ZSWIM3: variants seen among roughly 807,000 people sequenced by gnomAD.
The protein encoded by ZSWIM3 is zinc finger SWIM domain-containing protein 3.
In ZSWIM3, 27 loss-of-function variants were observed where a neutral mutation model predicts 47.5. The ratio of observed to expected loss-of-function variants is 0.57; its 90% CI spans 0.42 to 0.78. The LOEUF is 0.78. ZSWIM3 is among the 30% of genes least tolerant of loss of function. The probability of loss-of-function intolerance (pLI) is 0.00; values close to 1 mark genes in which losing one functional copy is unlikely to be tolerated. For synonymous variants in ZSWIM3, 333 were observed against 333.9 expected (o/e 1.00, Z 0.03); for missense variants, 689 against 861.3 (o/e 0.80, Z 2.50).
chr20:45,868,305 T>C (rs964227258), intron 1 of ZSWIM3, among the ~76,000 whole-genome samples: 10 of 152,190 alleles, frequency 6.6e-5, no homozygotes, highest in Admixed American at 2.6e-4. Flanking sequence ...AGTAGAGGAT[T>C]TGCCTAGGAA....
chr20:45,878,688 C>G lies in ZSWIM3; in HGVS notation c.*39C>G, dbSNP rs149462189. 866 of 1,565,014 alleles carry G rather than the reference C, an allele frequency of 5.5e-4. 6 individuals carry two copies. Among genetic ancestry groups the G allele is most frequent in the Non-Finnish European group, 1.0e-4 (117 of 1,153,410 alleles). On this transcript the variant is annotated 3_prime_UTR_variant, in exon 2 of 2. Transcript: ENST00000255152. ...AAGCATTGGACCACAAACACTTCTC[C>G]TTGGAAGTGTGAGAGTTTAAAGTGG...
At chr20:45,868,566 A>G (rs867788061) in intron 1 of ZSWIM3, among the ~76,000 whole-genome samples, 8 of 151,976 alleles carry the variant, frequency 5.3e-5, no homozygotes, top group Admixed American at 2.6e-4. Flanking sequence ...TATTTTTAGT[A>G]GAGACAGGGT....
intron 1 of ZSWIM3, among the ~76,000 whole-genome samples, chr20:45,869,971 G>C (rs978626647): frequency 1.3e-5 from 2 of 150,410 alleles, no homozygotes; most frequent in African/African-American, 4.9e-5. Context: ...TGGAACCCAG[G>C]AGGCGGAGGT....
At chr20:45,865,374 G>A (rs1985813015) in intron 1 of ZSWIM3, among the ~76,000 whole-genome samples, 1 of 151,636 alleles carries the variant, frequency 6.6e-6, no homozygotes, top group Admixed American at 6.6e-5. Flanking sequence ...TGTAGTCCCA[G>A]CTACTCAGAA....
chr20:45,870,752 G>T (rs558633869), intron 1 of ZSWIM3, among the ~76,000 whole-genome samples: 1 of 151,914 alleles, frequency 6.6e-6, no homozygotes, highest in African/African-American at 2.4e-5. Flanking sequence ...GGAGTGCAGT[G>T]GCGTGATCTT....
chr20:45,874,231 G>A (rs971612314), intron 1 of ZSWIM3, among the ~76,000 whole-genome samples: 1 of 152,194 alleles, frequency 6.6e-6, no homozygotes, highest in Non-Finnish European at 1.5e-5. Context: ...AAAGAAAGAG[G>A]CCGAGGGCGG....
intron 1 of ZSWIM3, chr20:45,872,760 G>A (rs1171251840): frequency 3.1e-6 from 4 of 1,289,366 alleles, no homozygotes; most frequent in Non-Finnish European, 4.0e-6. Context: ...TGTACTACTG[G>A]ACTGCTCCAG....
chr20:45,868,859 G>A (rs1487808780), intron 1 of ZSWIM3, among the ~76,000 whole-genome samples: 1 of 152,076 alleles, frequency 6.6e-6, no homozygotes, highest in Non-Finnish European at 1.5e-5. Flanking sequence ...CTGGAGTGAA[G>A]TGGCGCAATC....
At chr20:45,862,301 C>T (rs1189398874) in intron 1 of ZSWIM3, among the ~76,000 whole-genome samples, 5 of 151,030 alleles carry the variant, frequency 3.3e-5, no homozygotes, top group Admixed American at 3.3e-4. Flanking sequence ...GCACGCACCA[C>T]CCCACCCAGC....
In ZSWIM3 at chr20:45,877,078, A is replaced by G. The variant is rs776493065; in HGVS notation, c.520A>G (p.Ile174Val). ...CATCACTCCTTCTGACCTGGCCAAGATAGCAAAAGTGATGAAGAACTTTCT... is the reference window on the plus strand; with the variant it reads ...CATCACTCCTTCTGACCTGGCCAAGGTAGCAAAAGTGATGAAGAACTTTCT... ...EGITPSDLAKIAKVMKNFLKV... is the reference protein window; with the variant it reads ...EGITPSDLAKVAKVMKNFLKV... Residue 174 changes from isoleucine (I) to valine (V), a missense_variant, in exon 2 of 2, where the codon ATA becomes GTA. Physicochemically the swap from Ile to Val is conservative, Grantham distance 29. Coordinates refer to ENST00000255152, the MANE Select transcript of ZSWIM3 (RefSeq NM_080752.4). The G allele has an allele frequency of 5.6e-6, 9 of 1,614,198 alleles. No individual in the cohort carries two copies. In the South Asian group the frequency reaches 8.8e-5, roughly 16 times the overall value.
chr20:45,871,442 T>G (rs997738300), intron 1 of ZSWIM3, among the ~76,000 whole-genome samples: 1 of 152,224 alleles, frequency 6.6e-6, no homozygotes, highest in Non-Finnish European at 1.5e-5. Context: ...AAAAAGTTCT[T>G]CCTATGACAT....
intron 1 of ZSWIM3, among the ~76,000 whole-genome samples, chr20:45,860,569 G>C (rs190825272): frequency 2.2e-3 from 325 of 150,650 alleles, no homozygotes; most frequent in African/African-American, 7.8e-3. Flanking sequence ...ACCTCCTAGA[G>C]GCTGCCCAAC....
Position 45,877,583 on chromosome 20 carries a change from C to T in ZSWIM3, c.1025C>T (p.Thr342Ile), listed in dbSNP as rs1424632228. The T allele has an allele frequency of 1.9e-6, 3 of 1,614,086 alleles. No individual in the cohort carries two copies. Among genetic ancestry groups the T allele is most frequent in the Non-Finnish European group, 2.5e-6 (3 of 1,180,036 alleles). Residue 342 changes from threonine to isoleucine, a missense_variant, in exon 2 of 2, where the codon ACT becomes ATT. Transcript: ENST00000255152. ...GCCCTGCGGGAGGCCGTGTTTGTCA[C>T]TTCTGAAGCCAGCCTGAAAAATCTC... The part of the protein sequence containing the change: ...KEALREAVFV[T>I]SEASLKNLCQ...
intron 1 of ZSWIM3, among the ~76,000 whole-genome samples, chr20:45,862,211 G>A (rs373717691): frequency 2.4e-4 from 35 of 146,794 alleles, no homozygotes; most frequent in South Asian, 1.1e-3. Flanking sequence ...GCAGTGGCGC[G>A]ATCTTGGCTC....
chr20:45,864,643 A>C (rs1310199359), intron 1 of ZSWIM3, among the ~76,000 whole-genome samples: 2 of 152,158 alleles, frequency 1.3e-5, no homozygotes, highest in Non-Finnish European at 2.9e-5. Context: ...CGGGCGGATC[A>C]CTTAAAGTCG....
Position 45,876,705 on chromosome 20 carries a change from C to G in ZSWIM3, c.156-9C>G. On this transcript the variant is annotated splice_polypyrimidine_tract_variant and intron_variant, in intron 1 of 1. Coordinates refer to ENST00000255152, the MANE Select transcript of ZSWIM3 (RefSeq NM_080752.4). ...GCACCTTTCTCATTGTTACCTCTAC[C>G]TTCCCTAGGTATGTGCAGGTGAAAT... is the stretch of plus-strand genomic sequence containing the variant. 1 of 1,604,354 alleles carries G rather than the reference C, an allele frequency of 6.2e-7. No individual in the cohort carries two copies.
At chr20:45,861,403 A>G (rs1985704529) in intron 1 of ZSWIM3, among the ~76,000 whole-genome samples, 1 of 150,464 alleles carries the variant, frequency 6.6e-6, no homozygotes, top group Admixed American at 6.8e-5. Context: ...AGCCTGGGCA[A>G]CAACAGAGTA....
At position 45,876,004 on chromosome 20, in the gene ZSWIM3, C is replaced by T. The variant is rs950393622; in HGVS notation, c.156-710C>T. On this transcript the variant is annotated intron_variant, in intron 1 of 1. Transcript: ENST00000255152. ...GGAACCACTACACTTGGCCCTACTA[C>T]GGGTTTTTCCTGTTTGTTTGTTTTT... is the stretch of plus-strand genomic sequence containing the variant. 7.4e-5 allele frequency among the ~76,000 whole-genome samples: 11 copies of T among 148,292 alleles called. No individual in the cohort carries two copies. The East Asian group carries it at 1.8e-3, about 24-fold the overall frequency.
rs567026447 is a variant in ZSWIM3 at position 45,869,365 on chromosome 20, A to C, written c.156-7349A>C. 4.6e-5 allele frequency among the ~76,000 whole-genome samples: 7 copies of C among 151,750 alleles called. No homozygotes were observed. The South Asian group carries it at 1.3e-3, about 27-fold the overall frequency. Reference sequence around the variant, plus strand: ...AAACCCTGTCACTACTAAAAATACAAAAAATTAGCCAGGCATGATGGTGGG... The same window carrying C: ...AAACCCTGTCACTACTAAAAATACACAAAATTAGCCAGGCATGATGGTGGG... On this transcript the variant is annotated intron_variant, in intron 1 of 1. Coordinates refer to ENST00000255152, the MANE Select transcript of ZSWIM3 (RefSeq NM_080752.4).
Sources: allele counts gnomAD v4.1 joint callset (sites outside exome capture counted in the v4.1 genomes callset), GRCh38; gene constraint gnomAD v4.1.1; transcripts MANE v1.5; gene names NCBI Gene and HGNC (gene_info 2026-07-23, HGNC 2026-07-21).